Variants in NINJ1 observed in about 807,000 individuals in gnomAD.
NINJ1 encodes the protein ninjurin-1.
Under a neutral mutation model 12.7 loss-of-function variants are expected in NINJ1, and 6 were observed. The ratio of observed to expected loss-of-function variants is 0.47; its 90% CI spans 0.26 to 0.93. NINJ1 has a LOEUF of 0.93. NINJ1 is among the 40% of genes least tolerant of loss of function. NINJ1 has a pLI of 0.15. For synonymous variants in NINJ1, 100 were observed against 96.0 expected (o/e 1.04, Z -0.25); for missense variants, 170 against 213.0 (o/e 0.80, Z 1.26).
At chr9:93,125,198 G>T in intron 2 of NINJ1, 136 bp from the exon 3 acceptor site, 1 of 825,146 alleles carries the variant, frequency 1.2e-6, no homozygotes, top group Non-Finnish European at 1.8e-6. Context: ...CATTTAGGAT[G>T]AGTTTTGTCG....
chr9:93,123,200 G>C (rs530899995), intron 3 of NINJ1, among the ~76,000 whole-genome samples: 157 of 152,334 alleles, frequency 1.0e-3, no homozygotes, highest in South Asian at 2.1e-3. Flanking sequence ...CGTGTGGGGA[G>C]GGGTGAGGCC....
In NINJ1 at chr9:93,134,202, C is replaced by T. The variant is rs1587667972; in HGVS notation, c.16G>A (p.Glu6Lys). 2.6e-6 allele frequency: 4 copies of T among 1,526,082 alleles called. No homozygotes were observed. The highest frequency in any genetic ancestry group is 2.0e-5 in the Admixed American group (1 of 49,434). The allele number at this position is 1,526,082 out of a possible 1,614,324, so 94.5% of individuals were successfully genotyped here. Residue 6 changes from glutamate to lysine, a missense_variant, in exon 1 of 4, where the codon GAG (glutamate) becomes AAG (lysine). By Grantham distance (56) the Glu-to-Lys change is moderately conservative (BLOSUM62 1). Transcript: ENST00000375446. MDSGT[E>K]EYELNGGLPP... The stretch of plus-strand genomic sequence containing the variant: ...AGGCCGCCGTTGAGCTCGTACTCCT[C>T]GGTTCCCGAGTCCATGGTGCGGCCG...
At position 93,125,020 on chromosome 9, in the gene NINJ1, T is replaced by G. The variant is rs765828407; in HGVS notation, c.347A>C (p.Asp116Ala). 1.9e-6 allele frequency: 3 copies of G among 1,613,868 alleles called. No homozygotes were observed. The African/African-American group carries it at 4.0e-5, about 22-fold the overall frequency. Residue 116 changes from aspartate to alanine, a missense_variant, in exon 3 of 4, where the codon GAC (aspartate) becomes GCC (alanine). Asp to Ala is a moderately radical substitution (Grantham distance 126, BLOSUM62 -2). Transcript: ENST00000375446. ...GCCCGTGGCCAGGTTGTTGAGGAAG[T>G]CCAGCTTGGCGTGCTTGGCCGGGTT... is the stretch of plus-strand genomic sequence containing the variant. Reference protein sequence around the residue: ...LNNPAKHAKLDFLNNLATGLV... With the variant: ...LNNPAKHAKLAFLNNLATGLV...
intron 1 of NINJ1, among the ~76,000 whole-genome samples, chr9:93,131,226 C>G (rs560351746): frequency 6.6e-6 from 1 of 152,358 alleles, no homozygotes; most frequent in East Asian, 1.9e-4. Flanking sequence ...TGGCAGGAAA[C>G]CCCAGCAAGA....
Position 93,126,636 on chromosome 9 carries a change from C to T in NINJ1, c.78G>A (p.Pro26=), listed in dbSNP as rs762411363. 31 of 1,569,238 alleles carry T rather than the reference C, an allele frequency of 2.0e-5. No homozygotes were observed. Among genetic ancestry groups the T allele is most frequent in the Admixed American group, 5.2e-5 (3 of 57,682 alleles). The change falls in exon 2 of 4, where the codon CCG becomes CCA. Residue 26 remains proline, a splice_region_variant and synonymous_variant. Transcript: ENST00000375446. ...PGTPGSPDAS[P]ARWGWRHGPI... ...GCCCGTGCCTCCAGCCCCAGCGGGC[C>T]GGCTGCAGGGAGGGGAATGGTCAGC... is the stretch of plus-strand genomic sequence containing the variant.
intron 1 of NINJ1, 42 bp from the exon 2 acceptor site, chr9:93,126,680 G>A: frequency 1.3e-6 from 2 of 1,506,566 alleles, no homozygotes. Flanking sequence ...TGGGGGAGGG[G>A]GGCAAGGGCT....
chr9:93,126,775 A>G (rs773535459), intron 1 of NINJ1, 137 bp from the exon 2 acceptor site: 15 of 646,148 alleles, frequency 2.3e-5, no homozygotes, highest in Non-Finnish European at 3.7e-5. Context: ...CTCAGACAGA[A>G]GTGCTTATTA....
At chr9:93,132,964 C>T (rs1302557646) in intron 1 of NINJ1, among the ~76,000 whole-genome samples, 3 of 152,322 alleles carry the variant, frequency 2.0e-5, no homozygotes, top group African/African-American at 7.2e-5. Context: ...AGGAGAGACC[C>T]TTTGTTCTCT....
chr9:93,131,798 C>T (rs778315761), intron 1 of NINJ1, among the ~76,000 whole-genome samples: 9 of 152,216 alleles, frequency 5.9e-5, no homozygotes, highest in African/African-American at 1.2e-4. Context: ...TTCCCACGGC[C>T]GTGGCCCAAC....
rs1235113493 is a variant in NINJ1, at chr9:93,122,109, A to T, written c.*131T>A. ...GGGCTGGTCCGGGGACATGGTGCAG[A>T]TGAGGCCAGCCTGGGCTCTGGCAGT... On this transcript the variant is annotated 3_prime_UTR_variant, in exon 4 of 4. Transcript: ENST00000375446. 6.6e-6 allele frequency: 1 copy of T among 152,588 alleles called. No homozygotes were observed. The highest frequency in any genetic ancestry group is 1.5e-5 in the Non-Finnish European group (1 of 68,310). The allele number at this position is 152,588 out of a possible 1,614,324, so 9.5% of individuals were successfully genotyped here. A position where few individuals can be genotyped will look rare whatever the true frequency, so the allele number is the denominator to read the frequency against.
chr9:93,122,865 A>T (rs535816309), intron 3 of NINJ1, among the ~76,000 whole-genome samples: 9 of 152,326 alleles, frequency 5.9e-5, no homozygotes, highest in African/African-American at 2.2e-4. Context: ...CAGATAACTC[A>T]TGCTTGGGAG....
At chr9:93,127,407 CTCTCGA>C (rs1248128917) in intron 1 of NINJ1, among the ~76,000 whole-genome samples, 1 of 152,180 alleles carries the variant, frequency 6.6e-6, no homozygotes, top group Non-Finnish European at 1.5e-5. Context: ...CCCTGCAGTT[CTCTCGA>C]AGCCCCCAAT....
intron 3 of NINJ1, among the ~76,000 whole-genome samples, chr9:93,123,837 C>T (rs1458362962): frequency 1.3e-5 from 2 of 152,262 alleles, no homozygotes; most frequent in East Asian, 3.8e-4. Context: ...TGGCCCTGGC[C>T]ATGGCTGCAT....
At chr9:93,126,371 G>C (rs1246643170) in intron 2 of NINJ1, 39 bp downstream of exon 2, 1 of 1,561,962 alleles carries the variant, frequency 6.4e-7, no homozygotes, top group Non-Finnish European at 8.8e-7. Context: ...TGCCAGCAAG[G>C]TGAGCAGGTG....
intron 1 of NINJ1, chr9:93,131,518 C>G (rs1827892749): frequency 6.6e-6 from 1 of 152,312 alleles, no homozygotes; most frequent in Non-Finnish European, 1.5e-5. Context: ...CCAGATGTGG[C>G]CCCAGGAACC....
At chr9:93,125,257 C>CAGG in intron 2 of NINJ1, 195 bp from the exon 3 acceptor site, 1 of 526,884 alleles carries the variant, frequency 1.9e-6, no homozygotes, top group Non-Finnish European at 3.3e-6. Context: ...AACAGCGCCC[C>CAGG]TGGCTTGGGC....
chr9:93,125,186 C>A (rs545249498), intron 2 of NINJ1, 124 bp from the exon 3 acceptor site: 3 of 916,858 alleles, frequency 3.3e-6, no homozygotes, highest in Non-Finnish European at 4.8e-6. Context: ...GGCTCTCAGT[C>A]GCATTTAGGA....
At chr9:93,131,828 GTT>G in intron 1 of NINJ1, among the ~76,000 whole-genome samples, 1 of 152,330 alleles carries the variant, frequency 6.6e-6, no homozygotes, top group South Asian at 2.1e-4. Context: ...CCAGGTTGGA[GTT>G]CCACGTGTGG....
At chr9:93,123,970 C>A (rs995284356) in intron 3 of NINJ1, among the ~76,000 whole-genome samples, 3 of 152,236 alleles carry the variant, frequency 2.0e-5, no homozygotes, top group Admixed American at 6.5e-5. Flanking sequence ...CTGGGTGCCT[C>A]GTCCTGTAGA....
Sources: gnomAD v4.1 joint callset for allele counts (sites outside exome capture counted in the v4.1 genomes callset) on GRCh38, gnomAD v4.1.1 for gene constraint, MANE v1.5 for transcripts, NCBI Gene and HGNC (gene_info 2026-07-23, HGNC 2026-07-21) for gene names.